EXOC3L4: variants seen among roughly 807,000 people sequenced by gnomAD.
The protein encoded by EXOC3L4 is exocyst complex component 3 like 4.
Under a neutral mutation model 69.7 loss-of-function variants are expected in EXOC3L4, and 62 were observed. The ratio of observed to expected loss-of-function variants is 0.89; its 90% CI spans 0.72 to 1.10. The LOEUF is 1.10. Ranked by LOEUF, EXOC3L4 falls within the 50% of genes least tolerant of loss-of-function variation. The pLI, the probability that EXOC3L4 is intolerant of heterozygous loss-of-function variation, is 0.00. For synonymous variants in EXOC3L4, 502 were observed against 464.2 expected, an observed-to-expected ratio of 1.08 and a Z score of -1.05; for missense variants, 1,087 against 1,034.8, an observed-to-expected ratio of 1.05 and a Z score of -0.69.
At chr14:103,095,003 G>A (rs948532317) in intron 1 of EXOC3L4, among the ~76,000 whole-genome samples, 163 bp downstream of exon 1, 1 of 152,210 alleles carries the variant, frequency 6.6e-6, no homozygotes, top group Non-Finnish European at 1.5e-5. Context: ...ACACACACCC[G>A]ATACACAGGC....
chr14:103,106,798 TC>T lies in EXOC3L4; in HGVS notation c.1482del (p.Arg495GlyfsTer14). On this transcript the variant is annotated frameshift_variant, in exon 8 of 12. Transcript: ENST00000688303. LOFTEE classifies it high-confidence loss of function. ...GCCCCTCCCCAGGACCAGTCTTCTC[TC>T]CAGGTTCCCAGGAACCCAAGAGGAG... is the stretch of plus-strand genomic sequence containing the variant. ...ACEELRTSLL[S>X]RFPGTQEELE... The T allele has an allele frequency of 6.3e-7, 1 of 1,584,488 alleles. No individual in the cohort carries two copies.
intron 6 of EXOC3L4, 60 bp downstream of exon 6, chr14:103,104,898 G>C: frequency 6.4e-7 from 1 of 1,551,692 alleles, no homozygotes; most frequent in East Asian, 2.3e-5. Context: ...AGGTGGGAGG[G>C]AGGAGTCTGC....
chr14:103,106,661 C>G lies in EXOC3L4; in HGVS notation c.1467-124C>G, dbSNP rs1018050648. On this transcript the variant is annotated intron_variant, in intron 7 of 11. Coordinates refer to ENST00000688303, the MANE Select transcript of EXOC3L4 (RefSeq NM_001077594.2). ...ACTTGACTCTGCTCGCAGACAGCTA[C>G]AATGGGGAGCCCCACGGGCTGCCCT... 11 of 607,618 alleles carry G rather than the reference C, an allele frequency of 1.8e-5. No homozygotes were observed. The African/African-American group carries it at 2.1e-4, about 11-fold the overall frequency. The allele number at this position is 607,618 out of a possible 1,614,324, so 37.6% of individuals were successfully genotyped here. A position where few individuals can be genotyped will look rare whatever the true frequency, so the allele number is the denominator to read the frequency against.
chr14:103,110,373 T>A lies in EXOC3L4; in HGVS notation c.*150T>A. On this transcript the variant is annotated 3_prime_UTR_variant, in exon 12 of 12. Transcript: ENST00000688303. ...TGTCGTCAGCAGCCAAGCGCAGCTG[T>A]CAGGCCAGAAGGAGCAGCCGTGCAG... The A allele has an allele frequency of 1.0e-6, 1 of 957,022 alleles. No homozygotes were observed. The allele number at this position is 957,022 out of a possible 1,614,324, so 59.3% of individuals were successfully genotyped here.
chr14:103,105,139 T>C, intron 7 of EXOC3L4, 67 bp downstream of exon 7: 1 of 1,522,304 alleles, frequency 6.6e-7, no homozygotes, highest in African/African-American at 1.4e-5. Flanking sequence ...GCCGGGAACC[T>C]GGATGGAGGG....
Position 103,100,343 on chromosome 14 carries a change from C to A in EXOC3L4, c.124C>A (p.Arg42Ser), listed in dbSNP as rs139319731. ...CAGCAGGAAAGAGCCCAATGCCCACCGCAAGGATGGCACAAGGCTGGGCCT... is the reference window on the plus strand; with the variant it reads ...CAGCAGGAAAGAGCCCAATGCCCACAGCAAGGATGGCACAAGGCTGGGCCT... ...TSSRKEPNAH[R>S]KDGTRLGLGS... The change falls in exon 2 of 12, where the codon CGC (arginine) becomes AGC (serine). Residue 42 changes from arginine to serine, a missense_variant. Transcript: ENST00000688303. 8 of 1,599,442 alleles carry A rather than the reference C, an allele frequency of 5.0e-6. No individual in the cohort carries two copies. Among genetic ancestry groups the A allele is most frequent in the Middle Eastern group, 1.6e-4 (1 of 6,066 alleles).
At chr14:103,104,175 G>C in intron 4 of EXOC3L4, 92 bp from the exon 5 acceptor site, 20 of 1,447,868 alleles carry the variant, frequency 1.4e-5, no homozygotes, top group Non-Finnish European at 1.8e-5. Context: ...CCCCCGGCGC[G>C]GGCTTGTGAC....
chr14:103,108,356 G>A (rs1231661925), intron 10 of EXOC3L4, 40 bp from the exon 11 acceptor site: 19 of 1,606,136 alleles, frequency 1.2e-5, no homozygotes, highest in Non-Finnish European at 1.5e-5. Context: ...GCAGCGGTGG[G>A]GAGAGGGCTG....
At chr14:103,098,001 G>A (rs2139461605) in intron 1 of EXOC3L4, among the ~76,000 whole-genome samples, 1 of 152,208 alleles carries the variant, frequency 6.6e-6, no homozygotes, top group Non-Finnish European at 1.5e-5. Context: ...GAGTGACCTG[G>A]CTGGACTTTT....
rs1208095340 is a variant in EXOC3L4 at position 103,097,064 on chromosome 14, G to A, written c.-17+2224G>A. Among the ~76,000 whole-genome samples, 1 of 151,788 alleles carries A rather than the reference G, an allele frequency of 6.6e-6. No homozygotes were observed. The highest frequency in any genetic ancestry group is 1.9e-4 in the East Asian group (1 of 5,172). On this transcript the variant is annotated intron_variant, in intron 1 of 11. Transcript: ENST00000688303. This position sits in a 1 kb window ranked among gnomAD's most constrained non-coding sequence, Gnocchi z 4.9. ...GTGGGTGAGCACTGCAGAGTGATTG[G>A]GAGGATGAGGAGCAGCTACGGGAGG... is the stretch of plus-strand genomic sequence containing the variant.
In EXOC3L4 at chr14:103,110,445, C is replaced by T. The variant is rs763204381; in HGVS notation, c.*222C>T. ...AGGGGAGTGTTTTGGGGCCGCAGAG[C>T]TCTCAATGCTGCCTATCGGGCGGGG... On this transcript the variant is annotated 3_prime_UTR_variant, in exon 12 of 12. Coordinates refer to ENST00000688303, the MANE Select transcript of EXOC3L4 (RefSeq NM_001077594.2). 11 of 666,780 alleles carry T rather than the reference C, an allele frequency of 1.6e-5. No individual in the cohort carries two copies. Among genetic ancestry groups the T allele is most frequent in the Non-Finnish European group, 2.7e-5 (10 of 372,260 alleles). The allele number at this position is 666,780 out of a possible 1,614,324, so 41.3% of individuals were successfully genotyped here.
chr14:103,105,657 C>A (rs1055920404), intron 7 of EXOC3L4, among the ~76,000 whole-genome samples: 1 of 152,072 alleles, frequency 6.6e-6, no homozygotes, highest in African/African-American at 2.4e-5. Flanking sequence ...CAGCCTGCAC[C>A]CTGGGCTTTG....
intron 1 of EXOC3L4, among the ~76,000 whole-genome samples, chr14:103,098,096 T>C (rs1240657103): frequency 1.3e-5 from 2 of 152,094 alleles, no homozygotes; most frequent in Non-Finnish European, 2.9e-5. Flanking sequence ...AGGGGCCATC[T>C]GGGGACCTCA....
Position 103,110,238 on chromosome 14 carries a change from AG to A in EXOC3L4, c.*22del, listed in dbSNP as rs557347537. On this transcript the variant is annotated 3_prime_UTR_variant, in exon 12 of 12. Transcript: ENST00000688303. Reference sequence around the variant, plus strand: ...CCTGCGTCTAGTTCTCTCTGGCTCGAGGGGGGGCCGGCCGCTGGCAGGGAGC... The same window carrying A: ...CCTGCGTCTAGTTCTCTCTGGCTCGAGGGGGGCCGGCCGCTGGCAGGGAGC... 4.5e-5 allele frequency: 67 copies of A among 1,496,566 alleles called. No homozygotes were observed. The highest frequency in any genetic ancestry group is 1.2e-4 in the East Asian group (5 of 40,314). 92.7% of individuals were successfully genotyped at this position (1,496,566 alleles called of 1,614,324 possible).
Position 103,104,767 on chromosome 14 carries a change from C to A in EXOC3L4, c.1314C>A (p.Gly438=). 1 of 1,521,924 alleles carries A rather than the reference C, an allele frequency of 6.6e-7. No individual in the cohort carries two copies. The highest frequency in any genetic ancestry group is 8.8e-7 in the Non-Finnish European group (1 of 1,133,180). 94.3% of individuals were successfully genotyped at this position (1,521,924 alleles called of 1,614,324 possible). ...TGGCCGAGCACGTGAAGGCGGCCGG[C>A]GCCATCTCCGCGGAGCTGGAGGCCA... is the stretch of plus-strand genomic sequence containing the variant. ...MLVAEHVKAA[G]AISAELEATT... Residue 438 remains glycine, a synonymous_variant, in exon 6 of 12, where the codon GGC becomes GGA. Transcript: ENST00000688303.
Position 103,105,012 on chromosome 14 carries a change from C to A in EXOC3L4, c.1406C>A (p.Ala469Glu), listed in dbSNP as rs962486528. Residue 469 changes from alanine (A) to glutamate (E), a missense_variant, in exon 7 of 12, where the codon GCG becomes GAG. Transcript: ENST00000688303. ...CCCAGGTTTGAAAAGGCTTTTCTGG[C>A]GTCGGAGGCGGTGAGCGAGCCGCAC... ...FVPRFEKAFL[A>E]SEAVSEPHLG... The A allele has an allele frequency of 3.1e-6, 5 of 1,612,376 alleles. No homozygotes were observed. The highest frequency in any genetic ancestry group is 1.1e-5 in the South Asian group (1 of 90,998).
In EXOC3L4 at chr14:103,110,162, G is replaced by A. The variant is rs368633703; in HGVS notation, c.2108G>A (p.Arg703His). The change falls in exon 12 of 12, where the codon CGC (arginine) becomes CAC (histidine). Residue 703 changes from arginine to histidine, a missense_variant. By Grantham distance (29) the Arg-to-His change is conservative. Transcript: ENST00000688303. ...GAAGAEAPRG[R>H]VLFEEIKVPS... Reference sequence around the variant, plus strand: ...GCGGGTGCGGAGGCCCCTCGGGGCCGCGTGCTCTTCGAGGAGATCAAGGTG... The same window carrying A: ...GCGGGTGCGGAGGCCCCTCGGGGCCACGTGCTCTTCGAGGAGATCAAGGTG... 152 of 1,540,294 alleles carry A rather than the reference G, an allele frequency of 9.9e-5. No individual in the cohort carries two copies. The African/African-American group carries it at 1.2e-3, about 12-fold the overall frequency.
chr14:103,105,157 C>T (rs1890471471), intron 7 of EXOC3L4, 85 bp downstream of exon 7: 1 of 1,398,190 alleles, frequency 7.2e-7, no homozygotes, highest in Non-Finnish European at 9.8e-7. Context: ...GGGGAGTGCG[C>T]GCGCGTGGAG....
chr14:103,095,316 G>T (rs55997281), intron 1 of EXOC3L4, among the ~76,000 whole-genome samples: 3 of 152,228 alleles, frequency 2.0e-5, no homozygotes, highest in African/African-American at 7.2e-5. Context: ...CCTGCCTTGC[G>T]GGTCTCCTGG....
Sources: allele counts gnomAD v4.1 joint callset (sites outside exome capture counted in the v4.1 genomes callset), GRCh38; gene constraint gnomAD v4.1.1; non-coding constraint Gnocchi (gnomAD v3.1); transcripts MANE v1.5; gene names NCBI Gene and HGNC (gene_info 2026-07-23, HGNC 2026-07-21).